Variants in DLGAP2 observed in about 807,000 individuals in gnomAD.
The protein encoded by DLGAP2 is DLG associated protein 2.
Under a neutral mutation model 100.3 loss-of-function variants are expected in DLGAP2, and 26 were observed. The observed-to-expected ratio is 0.26, with a 90% CI of 0.19 to 0.36. The LOEUF (loss-of-function observed/expected upper bound fraction) is 0.36. Among genes scored for constraint, DLGAP2 ranks in the 10% least tolerant of loss-of-function variants. The pLI is 1.00. For missense variants in DLGAP2, 1,858 were observed against 1,453.2 expected, an observed-to-expected ratio of 1.28 and a Z score of -4.53; for synonymous variants, 886 against 630.1, an observed-to-expected ratio of 1.41 and a Z score of -6.08.
intron 3 of DLGAP2, among the ~76,000 whole-genome samples, chr8:1,491,533 T>C (rs1347712244): frequency 6.6e-6 from 1 of 152,268 alleles, no homozygotes; most frequent in Non-Finnish European, 1.5e-5. Flanking sequence ...TAAAGTAGTG[T>C]TTCCTGGGTA....
chr8:842,253 A>G (rs1019628754), intron 1 of DLGAP2, among the ~76,000 whole-genome samples: 14 of 152,160 alleles, frequency 9.2e-5, no homozygotes, highest in Admixed American at 2.0e-4. Flanking sequence ...ATTCATGGGA[A>G]CAATACTCCT....
chr8:970,277 A>G (rs796657269), intron 2 of DLGAP2, among the ~76,000 whole-genome samples: 13 of 152,344 alleles, frequency 8.5e-5, no homozygotes, highest in African/African-American at 3.1e-4. Flanking sequence ...AGAAATACCA[A>G]GTCACAAAGA....
chr8:1,371,889 A>AG (rs1235563191), intron 3 of DLGAP2, among the ~76,000 whole-genome samples: 1 of 152,238 alleles, frequency 6.6e-6, no homozygotes, highest in African/African-American at 2.4e-5. Context: ...GGCATCACAC[A>AG]GATCAGCGAC....
chr8:1,599,461 T>G (rs1459650120), intron 6 of DLGAP2, among the ~76,000 whole-genome samples: 1 of 152,206 alleles, frequency 6.6e-6, no homozygotes, highest in East Asian at 1.9e-4. Context: ...CAGTGAGGTG[T>G]GAAAGTCTCC....
At chr8:1,535,126 G>C (rs1192306555) in intron 4 of DLGAP2, among the ~76,000 whole-genome samples, 7 of 152,376 alleles carry the variant, frequency 4.6e-5, no homozygotes, top group Admixed American at 4.6e-4. Flanking sequence ...GGCAGGCCCT[G>C]TCTCAGCAAG....
At chr8:1,386,507 T>G (rs1012189157) in intron 3 of DLGAP2, among the ~76,000 whole-genome samples, 1 of 152,040 alleles carries the variant, frequency 6.6e-6, no homozygotes, top group African/African-American at 2.4e-5. Flanking sequence ...CCTGGAGAAG[T>G]GGTGGCTGCT....
chr8:771,490 G>C (rs551281614), intron 1 of DLGAP2, among the ~76,000 whole-genome samples: 1 of 152,188 alleles, frequency 6.6e-6, no homozygotes, highest in African/African-American at 2.4e-5. Context: ...AAGGCAGGCC[G>C]GCTAGCTCTG....
intron 3 of DLGAP2, among the ~76,000 whole-genome samples, chr8:1,363,807 C>T (rs765276794): frequency 6.6e-5 from 10 of 152,200 alleles, no homozygotes; most frequent in Non-Finnish European, 1.3e-4. Flanking sequence ...TCAGAGGCTG[C>T]GGGTGTGACA....
chr8:1,129,603 G>C (rs546651015), intron 2 of DLGAP2, among the ~76,000 whole-genome samples: 2 of 152,194 alleles, frequency 1.3e-5, no homozygotes. Flanking sequence ...CGGGAAGCCT[G>C]AGTTTGCCAG....
intron 2 of DLGAP2, among the ~76,000 whole-genome samples, chr8:1,215,780 G>A (rs1319769166): frequency 8.1e-6 from 1 of 123,980 alleles, no homozygotes; most frequent in Non-Finnish European, 1.6e-5. Context: ...GCATCACCTG[G>A]AGACGTCCAG....
At chr8:1,685,529 T>C (rs1799091378) in intron 12 of DLGAP2, among the ~76,000 whole-genome samples, 1 of 152,178 alleles carries the variant, frequency 6.6e-6, no homozygotes, top group African/African-American at 2.4e-5. Context: ...ACCAGGCCTC[T>C]GCTAAGCACC....
chr8:871,665 T>C (rs1797600140), intron 1 of DLGAP2, among the ~76,000 whole-genome samples: 1 of 152,174 alleles, frequency 6.6e-6, no homozygotes, highest in Non-Finnish European at 1.5e-5. Flanking sequence ...ATTTGAGACA[T>C]TCAACCAGAT....
chr8:1,640,029 G>A (rs921537748), intron 8 of DLGAP2, among the ~76,000 whole-genome samples: 4 of 152,194 alleles, frequency 2.6e-5, no homozygotes, highest in Non-Finnish European at 4.4e-5. Context: ...ATTTTTGGAG[G>A]GGCGTTATTC....
intron 3 of DLGAP2, among the ~76,000 whole-genome samples, chr8:1,325,981 C>A (rs1236795040): frequency 6.6e-6 from 1 of 152,174 alleles, no homozygotes; most frequent in African/African-American, 2.4e-5. Context: ...ATGTGAGTTT[C>A]TGCCTCCGGG....
At chr8:1,019,893 G>A (rs1009058689) in intron 2 of DLGAP2, among the ~76,000 whole-genome samples, 1 of 152,178 alleles carries the variant, frequency 6.6e-6, no homozygotes, top group Non-Finnish European at 1.5e-5. Context: ...GTTCCCTTCC[G>A]GGATGGCCTG....
intron 1 of DLGAP2, among the ~76,000 whole-genome samples, chr8:898,111 C>T (rs1174469883): frequency 6.6e-6 from 1 of 152,186 alleles, no homozygotes; most frequent in African/African-American, 2.4e-5. Flanking sequence ...GTCTACGATA[C>T]CCGTACAAGT....
intron 2 of DLGAP2, among the ~76,000 whole-genome samples, chr8:1,131,161 T>C (rs1483146140): frequency 6.6e-6 from 1 of 152,224 alleles, no homozygotes; most frequent in Non-Finnish European, 1.5e-5. Flanking sequence ...CACGGTTCTC[T>C]GGATCTTTCA....
intron 3 of DLGAP2, among the ~76,000 whole-genome samples, chr8:1,320,217 G>A (rs1800863491): frequency 6.6e-6 from 1 of 152,044 alleles, no homozygotes; most frequent in African/African-American, 2.4e-5. Flanking sequence ...GAAGGGTAAG[G>A]ATGAAATGAT....
At chr8:1,294,850 C>T (rs1173703739) in intron 3 of DLGAP2, among the ~76,000 whole-genome samples, 11 of 143,658 alleles carry the variant, frequency 7.7e-5, no homozygotes, top group Non-Finnish European at 1.5e-4. Flanking sequence ...GCCTGGGCGA[C>T]AGAGCAAGAT....
Sources: gnomAD v4.1 joint callset for allele counts (sites outside exome capture counted in the v4.1 genomes callset) on GRCh38, gnomAD v4.1.1 for gene constraint, MANE v1.5 for transcripts, NCBI Gene and HGNC (gene_info 2026-07-23, HGNC 2026-07-21) for gene names.